The following ERBIN variants were observed in gnomAD, a reference collection of about 807,000 sequenced individuals.
The protein encoded by ERBIN is erbb2 interacting protein, also known as densin-180-like protein.
A neutral mutation model predicts 158.4 loss-of-function variants in ERBIN; 60 were observed. The ratio of observed to expected loss-of-function variants is 0.38; its 90% CI spans 0.31 to 0.47. ERBIN has a LOEUF of 0.47. ERBIN is among the 20% of genes least tolerant of loss of function. The probability of loss-of-function intolerance (pLI) is 0.99; values close to 1 mark genes in which losing one functional copy is unlikely to be tolerated. For missense variants in ERBIN, 1,610 were observed against 1,648.0 expected (o/e 0.98, Z 0.40); for synonymous variants, 594 against 557.2 (o/e 1.07, Z -0.93).
At chr5:66,063,106 G>A (rs965202813) in intron 21 of ERBIN, among the ~76,000 whole-genome samples, 3 of 152,210 alleles carry the variant, frequency 2.0e-5, no homozygotes, top group Non-Finnish European at 4.4e-5. Flanking sequence ...GGTTATTGCT[G>A]TCTTTTGTTT....
At chr5:66,001,825 C>G (rs1166834681) in intron 4 of ERBIN, among the ~76,000 whole-genome samples, 2 of 151,856 alleles carry the variant, frequency 1.3e-5, no homozygotes, top group Non-Finnish European at 2.9e-5. Context: ...ACTTTAAGTT[C>G]TGGGATACAT....
At chr5:66,004,081 G>T (rs1753296702) in intron 4 of ERBIN, among the ~76,000 whole-genome samples, 1 of 151,048 alleles carries the variant, frequency 6.6e-6, no homozygotes, top group South Asian at 2.1e-4. Flanking sequence ...GGGACTACAG[G>T]TGTGCACCAC....
At position 66,068,679 on chromosome 5, in the gene ERBIN, G is replaced by A. The variant is rs920989307; in HGVS notation, c.3634-3490G>A. On this transcript the variant is annotated intron_variant, in intron 21 of 25. Transcript: ENST00000284037. ...TAAACATGTGAATGGTTGTATTTACGTGTAATTTGTGTATATGTATATGTT... is the reference window on the plus strand; with the variant it reads ...TAAACATGTGAATGGTTGTATTTACATGTAATTTGTGTATATGTATATGTT... Among the ~76,000 whole-genome samples, 10 of 152,250 alleles carry A rather than the reference G, an allele frequency of 6.6e-5. No individual in the cohort carries two copies. In the East Asian group the frequency reaches 1.3e-3, roughly 21 times the overall value.
At chr5:66,061,093 A>G (rs1057018394) in intron 21 of ERBIN, among the ~76,000 whole-genome samples, 25 of 151,996 alleles carry the variant, frequency 1.6e-4, no homozygotes, top group Non-Finnish European at 4.4e-5. Flanking sequence ...GAGTTCCTGG[A>G]TATCCTTGTT....
chr5:66,032,734 G>C (rs763672405), intron 14 of ERBIN, among the ~76,000 whole-genome samples: 4 of 152,136 alleles, frequency 2.6e-5, no homozygotes, highest in African/African-American at 4.8e-5. Context: ...AACAGAACAC[G>C]TTGCCTTGAA....
chr5:66,037,739 A>C (rs1757531038), intron 14 of ERBIN, among the ~76,000 whole-genome samples: 2 of 152,186 alleles, frequency 1.3e-5, no homozygotes, highest in African/African-American at 4.8e-5. Flanking sequence ...GTGAATAGCA[A>C]AAAGAATTAG....
intron 4 of ERBIN, among the ~76,000 whole-genome samples, chr5:66,001,357 T>C (rs1752996641): frequency 6.6e-6 from 1 of 152,164 alleles, no homozygotes; most frequent in South Asian, 2.1e-4. Context: ...GGCAGGAAAT[T>C]TGTGGCATAC....
chr5:66,063,303 A>G lies in ERBIN; in HGVS notation c.3633+8352A>G, dbSNP rs536240360. Among the ~76,000 whole-genome samples, 4 of 152,302 alleles carry G rather than the reference A, an allele frequency of 2.6e-5. No homozygotes were observed. The South Asian group carries it at 8.3e-4, about 32-fold the overall frequency. The stretch of plus-strand genomic sequence containing the variant: ...TTGATCTCAGACTGCTGTGCTAGCA[A>G]TGAGCGAGGCTCCATGGGCGTAGGA... On this transcript the variant is annotated intron_variant, in intron 21 of 25. Transcript: ENST00000284037.
At chr5:65,941,535 T>G (rs184905003) in intron 1 of ERBIN, among the ~76,000 whole-genome samples, 1 of 152,084 alleles carries the variant, frequency 6.6e-6, no homozygotes. Flanking sequence ...TAATCCCCCA[T>G]AGATACTGAG....
chr5:65,972,863 T>C (rs1003528196), intron 1 of ERBIN, among the ~76,000 whole-genome samples: 1 of 151,312 alleles, frequency 6.6e-6, no homozygotes, highest in Non-Finnish European at 1.5e-5. Flanking sequence ...TTTTTGGTGT[T>C]CCTAATCATT....
At position 66,053,912 on chromosome 5, in the gene ERBIN, G is replaced by T; in HGVS notation, c.2594G>T (p.Gly865Val). The change falls in exon 21 of 26, where the codon GGA (glycine) becomes GTA (valine). Residue 865 changes from glycine (G) to valine (V), a missense_variant. Transcript: ENST00000284037. ...DLSPQKSGPV[G>V]SVVKSHSITN... ...TCCCCTCAGAAAAGTGGTCCAGTTG[G>T]ATCTGTTGTGAAATCTCATAGCATA... 1 of 1,614,128 alleles carries T rather than the reference G, an allele frequency of 6.2e-7. No individual in the cohort carries two copies. Among genetic ancestry groups the T allele is most frequent in the Non-Finnish European group, 8.5e-7 (1 of 1,180,002 alleles).
Position 66,081,668 on chromosome 5 carries a change from C to G in ERBIN, c.*3138C>G, listed in dbSNP as rs1160956575. 1 of 151,864 alleles carries G rather than the reference C, an allele frequency of 6.6e-6. No homozygotes were observed. Among genetic ancestry groups the G allele is most frequent in the Non-Finnish European group, 1.5e-5 (1 of 67,904 alleles). 9.4% of individuals were successfully genotyped at this position (151,864 alleles called of 1,614,324 possible). ...GGTGTGGAAGAAGTGTAGTTTATCT[C>G]AAATTATTATTATTTACTTCTAAAG... On this transcript the variant is annotated 3_prime_UTR_variant, in exon 26 of 26. Coordinates refer to ENST00000284037, the MANE Select transcript of ERBIN (RefSeq NM_001253697.2).
chr5:65,964,446 T>G (rs1164164612), intron 1 of ERBIN, among the ~76,000 whole-genome samples: 1 of 152,238 alleles, frequency 6.6e-6, no homozygotes, highest in African/African-American at 2.4e-5. Context: ...GGCAGAATCC[T>G]GCTGGTTGGA....
intron 20 of ERBIN, among the ~76,000 whole-genome samples, chr5:66,052,969 C>A (rs1291859189): frequency 6.6e-6 from 1 of 152,124 alleles, no homozygotes; most frequent in East Asian, 1.9e-4. Flanking sequence ...TGTAAGGCTT[C>A]AAAATTAACT....
intron 1 of ERBIN, among the ~76,000 whole-genome samples, chr5:65,969,370 G>A (rs1749005754): frequency 6.6e-6 from 1 of 152,184 alleles, no homozygotes; most frequent in Admixed American, 6.5e-5. Flanking sequence ...TTTTGGGAAA[G>A]GCAGTACAAG....
At chr5:66,072,122 C>T (rs1761587507) in intron 21 of ERBIN, 47 bp from the exon 22 acceptor site, 2 of 1,528,098 alleles carry the variant, frequency 1.3e-6, no homozygotes, top group Non-Finnish European at 1.8e-6. Context: ...CTTGGTTTCA[C>T]ATCTTAAAGA....
intron 1 of ERBIN, among the ~76,000 whole-genome samples, chr5:65,931,939 C>T (rs957072836): frequency 6.6e-5 from 10 of 151,854 alleles, no homozygotes; most frequent in African/African-American, 1.7e-4. Flanking sequence ...TTGCCTCAGC[C>T]TCCTGAGTAG....
rs1312312302 is a variant in ERBIN, at chr5:66,081,014, T to G, written c.*2484T>G. ...CAAAATTTGAATAAAATAATTAAAT[T>G]TTTTGAGGAAGTGGAGAAGACATTT... is the stretch of plus-strand genomic sequence containing the variant. On this transcript the variant is annotated 3_prime_UTR_variant, in exon 26 of 26. Transcript: ENST00000284037. 2 of 151,984 alleles carry G rather than the reference T, an allele frequency of 1.3e-5. No individual in the cohort carries two copies. The highest frequency in any genetic ancestry group is 2.9e-5 in the Non-Finnish European group (2 of 67,872). The allele number at this position is 151,984 out of a possible 1,614,324, so 9.4% of individuals were successfully genotyped here. A position where few individuals can be genotyped will look rare whatever the true frequency, so the allele number is the denominator to read the frequency against.
intron 4 of ERBIN, among the ~76,000 whole-genome samples, chr5:65,996,576 C>A (rs1218067179): frequency 6.6e-6 from 1 of 152,046 alleles, no homozygotes; most frequent in Non-Finnish European, 1.5e-5. Flanking sequence ...GTGATGCCTG[C>A]CGTTTAGTTC....
Sources: gnomAD v4.1 joint callset for allele counts (sites outside exome capture counted in the v4.1 genomes callset) on GRCh38, gnomAD v4.1.1 for gene constraint, MANE v1.5 for transcripts, NCBI Gene and HGNC (gene_info 2026-07-23, HGNC 2026-07-21) for gene names.